AQR: variants seen among roughly 807,000 people sequenced by gnomAD.
The protein encoded by AQR is aquarius intron-binding spliceosomal factor, also known as RNA helicase aquarius.
A neutral mutation model predicts 180.5 loss-of-function variants in AQR; 61 were observed. That is an observed-to-expected ratio of 0.34 (90% CI 0.28 to 0.42). AQR has a LOEUF of 0.42. AQR is among the 10% of genes least tolerant of loss of function. The pLI is 1.00. For missense variants in AQR, 1,281 were observed against 1,798.3 expected (o/e 0.71, Z 5.20); for synonymous variants, 551 against 588.8 (o/e 0.94, Z 0.93).
At chr15:34,920,543 G>T in intron 13 of AQR, 109 bp from the exon 14 acceptor site, 1 of 761,848 alleles carries the variant, frequency 1.3e-6, no homozygotes, top group East Asian at 2.8e-5. Flanking sequence ...CTATGACATG[G>T]GCAGCAAATA....
intron 22 of AQR, among the ~76,000 whole-genome samples, chr15:34,895,955 A>G (rs1336271933): frequency 6.6e-6 from 1 of 152,252 alleles, no homozygotes; most frequent in African/African-American, 2.4e-5. Flanking sequence ...ATGCTGGGCC[A>G]TAAAACAAAT....
intron 6 of AQR, chr15:34,943,443 CAAAA>C (rs1188363896): frequency 3.2e-6 from 2 of 626,622 alleles, no homozygotes; most frequent in Non-Finnish European, 5.0e-6. Flanking sequence ...AGTTTATGTT[CAAAA>C]TAAATAAATA....
Position 34,886,445 on chromosome 15 carries a change from A to T in AQR, c.2817+81T>A, listed in dbSNP as rs1893061002. 2.8e-6 allele frequency: 4 copies of T among 1,430,612 alleles called. No homozygotes were observed. In the South Asian group the frequency reaches 5.8e-5, roughly 21 times the overall value. The allele number at this position is 1,430,612 out of a possible 1,614,324, so 88.6% of individuals were successfully genotyped here. ...TACTCAAAAAAATAAGCTTTCATGAAGGATCACAAGAACTCATTCCAGCTT... is the reference window on the plus strand; with the variant it reads ...TACTCAAAAAAATAAGCTTTCATGATGGATCACAAGAACTCATTCCAGCTT... On this transcript the variant is annotated intron_variant, in intron 25 of 34. Transcript: ENST00000156471.
intron 27 of AQR, among the ~76,000 whole-genome samples, chr15:34,879,338 G>A (rs1246215858): frequency 2.0e-5 from 3 of 152,170 alleles, no homozygotes; most frequent in South Asian, 2.1e-4. Context: ...TAGAGTGAGC[G>A]CAGAATGAGC....
chr15:34,901,582 G>A (rs1893332358), intron 19 of AQR, among the ~76,000 whole-genome samples: 1 of 152,092 alleles, frequency 6.6e-6, no homozygotes, highest in Non-Finnish European at 1.5e-5. Context: ...AAATTTGGAG[G>A]CTAGGCTATT....
At chr15:34,879,610 C>CT (rs1224974638) in intron 27 of AQR, among the ~76,000 whole-genome samples, 8 of 151,904 alleles carry the variant, frequency 5.3e-5, no homozygotes, top group African/African-American at 1.2e-4. Context: ...GTAATAGGAG[C>CT]TTTTTTTTCC....
At chr15:34,934,758 G>A in intron 9 of AQR, 123 bp from the exon 10 acceptor site, 1 of 538,532 alleles carries the variant, frequency 1.9e-6, no homozygotes, top group Non-Finnish European at 3.1e-6. Flanking sequence ...CATCAGAATT[G>A]GACTATGATT....
At chr15:34,934,753 G>T in intron 9 of AQR, 118 bp from the exon 10 acceptor site, 2 of 556,776 alleles carry the variant, frequency 3.6e-6, no homozygotes, top group Non-Finnish European at 6.0e-6. Flanking sequence ...TTATTCATCA[G>T]AATTGGACTA....
In AQR at chr15:34,948,305, T is replaced by C. The variant is rs777371947; in HGVS notation, c.289A>G (p.Met97Val). The change falls in exon 5 of 35, where the codon ATG becomes GTG. Residue 97 changes from methionine (M) to valine (V), a missense_variant. This residue lies in a region of AQR where 404 missense variants were observed against 490.9 expected (regional missense o/e 0.82). Coordinates refer to ENST00000156471, the MANE Select transcript of AQR (RefSeq NM_014691.3). ...SKAYLMSICC[M>V]VNEKFRENVP... Reference sequence around the variant, plus strand: ...TTTTCTCTAAACTTCTCATTCACCATACAGCAGATTGACATTAAATAGGCC... The same window carrying C: ...TTTTCTCTAAACTTCTCATTCACCACACAGCAGATTGACATTAAATAGGCC... 2 of 1,613,714 alleles carry C rather than the reference T, an allele frequency of 1.2e-6. No individual in the cohort carries two copies. Among genetic ancestry groups the C allele is most frequent in the Non-Finnish European group, 1.7e-6 (2 of 1,179,966 alleles).
chr15:34,940,539 A>G (rs1461172195), intron 8 of AQR, among the ~76,000 whole-genome samples: 6 of 152,154 alleles, frequency 3.9e-5, no homozygotes, highest in Non-Finnish European at 8.8e-5. Context: ...TCAAAAAAAT[A>G]AAAAAAGAGT....
At chr15:34,942,703 A>G (rs1345035865) in intron 6 of AQR, among the ~76,000 whole-genome samples, 2 of 152,236 alleles carry the variant, frequency 1.3e-5, no homozygotes, top group Non-Finnish European at 2.9e-5. Flanking sequence ...GCTGTCTTTA[A>G]ATAGAAACAC....
At chr15:34,889,717 C>A (rs1247618724) in intron 24 of AQR, among the ~76,000 whole-genome samples, 1 of 152,064 alleles carries the variant, frequency 6.6e-6, no homozygotes, top group African/African-American at 2.4e-5. Context: ...TGTCGCCAGG[C>A]TGGAATGCAA....
At chr15:34,906,865 G>A (rs114599814) in intron 17 of AQR, among the ~76,000 whole-genome samples, 153 bp from the exon 18 acceptor site, 7 of 151,968 alleles carry the variant, frequency 4.6e-5, no homozygotes, top group African/African-American at 1.7e-4. Flanking sequence ...CACAATTATG[G>A]GCTTTTCTAT....
At chr15:34,900,476 TC>T in intron 20 of AQR, 145 bp downstream of exon 20, 1 of 966,562 alleles carries the variant, frequency 1.0e-6, no homozygotes, top group Non-Finnish European at 1.5e-6. Context: ...AATAAAGTTA[TC>T]CCAGTGATTG....
intron 6 of AQR, 62 bp from the exon 7 acceptor site, chr15:34,942,142 C>A (rs1894032477): frequency 7.6e-7 from 1 of 1,308,306 alleles, no homozygotes; most frequent in South Asian, 1.3e-5. Context: ...TAAGTCTTTA[C>A]ATAAGAAGTA....
intron 6 of AQR, 33 bp downstream of exon 6, chr15:34,944,255 T>A: frequency 6.5e-7 from 1 of 1,547,162 alleles, no homozygotes; most frequent in Non-Finnish European, 8.7e-7. Context: ...CAAGAAAACT[T>A]GAAAATTACC....
Position 34,904,392 on chromosome 15 carries a change from C to T in AQR, c.1945G>A (p.Val649Met). 7 of 1,609,248 alleles carry T rather than the reference C, an allele frequency of 4.3e-6. No individual in the cohort carries two copies. Among genetic ancestry groups the T allele is most frequent in the Non-Finnish European group, 5.9e-6 (7 of 1,177,506 alleles). ...ATTATTATATTAAAAGTTTCATACA[C>T]ATCCTCTGCTCCATTTTGTATAGTA... is the stretch of plus-strand genomic sequence containing the variant. ...TNTIQNGAED[V>M]YETFNIIMRR... is the part of the protein sequence containing the mutation. The change falls in exon 19 of 35, where the codon GTG (valine) becomes ATG (methionine). Residue 649 changes from valine to methionine, a missense_variant. Coordinates refer to ENST00000156471, the MANE Select transcript of AQR (RefSeq NM_014691.3).
At chr15:34,954,182 G>T (rs1894274109) in intron 3 of AQR, among the ~76,000 whole-genome samples, 1 of 152,166 alleles carries the variant, frequency 6.6e-6, no homozygotes, top group Non-Finnish European at 1.5e-5. Context: ...CTCCAAAAAT[G>T]CTAGGATTAC....
At chr15:34,906,146 G>A (rs1383533393) in intron 18 of AQR, among the ~76,000 whole-genome samples, 2 of 151,956 alleles carry the variant, frequency 1.3e-5, no homozygotes, top group Admixed American at 6.6e-5. Context: ...TTGGGAGGCC[G>A]AGGCAAGTGG....
Sources: allele counts gnomAD v4.1 joint callset (sites outside exome capture counted in the v4.1 genomes callset), GRCh38; gene constraint gnomAD v4.1.1; regional missense constraint gnomAD v4.1.1; transcripts MANE v1.5; gene names NCBI Gene and HGNC (gene_info 2026-07-23, HGNC 2026-07-21).